MGAT4C: variants seen among roughly 807,000 people sequenced by gnomAD.
MGAT4C encodes the protein MGAT4 family member C.
Under a neutral mutation model 40.1 loss-of-function variants are expected in MGAT4C, and 19 were observed. That is an observed-to-expected ratio of 0.47 (90% CI 0.33 to 0.70). The LOEUF is 0.70. Ranked by LOEUF, MGAT4C falls within the 30% of genes least tolerant of loss-of-function variation. MGAT4C has a pLI of 0.02. For synonymous variants in MGAT4C, 181 were observed against 187.1 expected, an observed-to-expected ratio of 0.97 and a Z score of 0.27; for missense variants, 491 against 563.2, an observed-to-expected ratio of 0.87 and a Z score of 1.30.
chr12:86,233,065 G>A (rs1448520937), intron 1 of MGAT4C, among the ~76,000 whole-genome samples: 2 of 152,162 alleles, frequency 1.3e-5, no homozygotes, highest in African/African-American at 4.8e-5. Context: ...AATCGCTGAG[G>A]CAGTCTCTAG....
In MGAT4C at chr12:86,484,190, T is replaced by C. The variant is rs185011795; in HGVS notation, c.-228-48925A>G. Among the ~76,000 whole-genome samples the C allele has an allele frequency of 5.3e-5, 8 of 152,148 alleles. No homozygotes were observed. In the East Asian group the frequency reaches 1.6e-3, roughly 30 times the overall value. On this transcript the variant is annotated intron_variant, in intron 2 of 7. Transcript: ENST00000548651. ...GAGAGTAGACAGAGACAGAGACCCA[T>C]GCTGCAGAGCCGAGGAGCTTCTGTG...
chr12:86,239,176 A>G (rs1009030518), intron 1 of MGAT4C, among the ~76,000 whole-genome samples: 1 of 152,130 alleles, frequency 6.6e-6, no homozygotes, highest in East Asian at 1.9e-4. Flanking sequence ...AGACCATGAC[A>G]CACTTGGATT....
chr12:86,800,958 T>A (rs1227280977), intron 1 of MGAT4C, among the ~76,000 whole-genome samples: 1 of 152,040 alleles, frequency 6.6e-6, no homozygotes, highest in South Asian at 2.1e-4. Context: ...AAAATCCTCA[T>A]CACCTACCAT....
chr12:86,341,369 G>C (rs1166408904), intron 3 of MGAT4C, among the ~76,000 whole-genome samples: 3 of 152,188 alleles, frequency 2.0e-5, no homozygotes, highest in African/African-American at 7.2e-5. Flanking sequence ...CAGCAGAGCA[G>C]CTGCTCAGGT....
At chr12:86,649,440 A>C (rs900881214) in intron 2 of MGAT4C, among the ~76,000 whole-genome samples, 4 of 151,774 alleles carry the variant, frequency 2.6e-5, no homozygotes, top group African/African-American at 4.8e-5. Context: ...GGTATTAGAC[A>C]ATAATTTCTA....
chr12:86,056,735 T>A (rs559092335), intron 1 of MGAT4C, among the ~76,000 whole-genome samples: 2 of 152,158 alleles, frequency 1.3e-5, no homozygotes, highest in African/African-American at 4.8e-5. Flanking sequence ...TTATAATCCG[T>A]TGGGTATATA....
intron 1 of MGAT4C, among the ~76,000 whole-genome samples, chr12:86,728,152 T>G (rs759348292): frequency 6.6e-6 from 1 of 152,126 alleles, no homozygotes. Context: ...ATGAGAAAAG[T>G]TTTTTAATAT....
chr12:86,558,224 T>A (rs527962557), intron 2 of MGAT4C, among the ~76,000 whole-genome samples: 100 of 152,214 alleles, frequency 6.6e-4, no homozygotes, highest in African/African-American at 2.4e-3. Context: ...CATAAAGTGA[T>A]AAAATATTTG....
chr12:86,489,677 G>C (rs1223252294), intron 2 of MGAT4C, among the ~76,000 whole-genome samples: 1 of 152,120 alleles, frequency 6.6e-6, no homozygotes, highest in Non-Finnish European at 1.5e-5. Flanking sequence ...ACACTTGTTT[G>C]CTCATACACT....
intron 1 of MGAT4C, among the ~76,000 whole-genome samples, chr12:86,232,586 T>C (rs895522070): frequency 1.3e-5 from 2 of 152,204 alleles, no homozygotes; most frequent in Non-Finnish European, 2.9e-5. Flanking sequence ...CTCGGAGGGT[T>C]ATGCTGTGGT....
chr12:86,510,430 A>C (rs1321616260), intron 2 of MGAT4C, among the ~76,000 whole-genome samples: 1 of 152,212 alleles, frequency 6.6e-6, no homozygotes, highest in Non-Finnish European at 1.5e-5. Context: ...AAACTGCATC[A>C]ACTAACAGGC....
At chr12:86,322,157 G>T (rs1010651855) in intron 4 of MGAT4C, among the ~76,000 whole-genome samples, 2 of 147,874 alleles carry the variant, frequency 1.4e-5, no homozygotes, top group Non-Finnish European at 3.0e-5. Context: ...TTCACTCATA[G>T]GTGGGAATTG....
intron 3 of MGAT4C, among the ~76,000 whole-genome samples, chr12:86,350,322 T>A (rs1955131369): frequency 6.6e-6 from 1 of 152,258 alleles, no homozygotes; most frequent in Admixed American, 6.5e-5. Context: ...CTCACCTTAA[T>A]GGGTTTCTTT....
intron 1 of MGAT4C, among the ~76,000 whole-genome samples, chr12:86,761,167 G>A (rs1565971011): frequency 1.3e-5 from 2 of 152,148 alleles, no homozygotes; most frequent in South Asian, 2.1e-4. Context: ...GGCCTCCATG[G>A]AATGATGGCA....
At chr12:86,382,230 G>A (rs989441474) in intron 3 of MGAT4C, among the ~76,000 whole-genome samples, 2 of 152,210 alleles carry the variant, frequency 1.3e-5, no homozygotes, top group Admixed American at 6.5e-5. Flanking sequence ...TGGAGATGAG[G>A]AACTTGTTGG....
chr12:86,212,572 C>T (rs982854031), intron 1 of MGAT4C, among the ~76,000 whole-genome samples: 1 of 151,378 alleles, frequency 6.6e-6, no homozygotes, highest in Non-Finnish European at 1.5e-5. Flanking sequence ...AAATAGTTAC[C>T]CAAAAAGAAA....
At chr12:86,063,852 T>A (rs1050541607) in intron 1 of MGAT4C, among the ~76,000 whole-genome samples, 1 of 152,224 alleles carries the variant, frequency 6.6e-6, no homozygotes, top group African/African-American at 2.4e-5. Context: ...AAGAGCTAAC[T>A]ATTCTAAATA....
intron 1 of MGAT4C, among the ~76,000 whole-genome samples, chr12:86,240,033 A>AT (rs758717211): frequency 1.2e-4 from 6 of 51,156 alleles, no homozygotes; most frequent in African/African-American, 1.5e-4. Flanking sequence ...TAATAAAAAA[A>AT]AAAAATAAAA....
chr12:86,246,905 C>T (rs911728293), intron 1 of MGAT4C, among the ~76,000 whole-genome samples: 1 of 152,132 alleles, frequency 6.6e-6, no homozygotes, highest in African/African-American at 2.4e-5. Flanking sequence ...TTTCTTTGTT[C>T]TATATTTTGA....
Sources: gnomAD v4.1 joint callset for allele counts (sites outside exome capture counted in the v4.1 genomes callset) on GRCh38, gnomAD v4.1.1 for gene constraint, MANE v1.5 for transcripts, NCBI Gene and HGNC (gene_info 2026-07-23, HGNC 2026-07-21) for gene names.